The following LARGE1 variants were observed in gnomAD, a reference collection of about 807,000 sequenced individuals.
The protein encoded by LARGE1 is xylosyl- and glucuronyltransferase LARGE1.
A neutral mutation model predicts 87.6 loss-of-function variants in LARGE1; 43 were observed. The observed-to-expected ratio is 0.49, with a 90% confidence interval of 0.38 to 0.63. LARGE1 has a LOEUF of 0.63. Among genes scored for constraint, LARGE1 ranks in the 30% least tolerant of loss-of-function variants. LARGE1 has a pLI of 0.00. For synonymous variants in LARGE1, 434 were observed against 394.6 expected, an observed-to-expected ratio of 1.10 and a Z score of -1.18; for missense variants, 802 against 1,000.2, an observed-to-expected ratio of 0.80 and a Z score of 2.67.
intron 1 of LARGE1, among the ~76,000 whole-genome samples, chr22:33,887,187 C>T (rs1448910300): frequency 6.6e-6 from 1 of 152,134 alleles, no homozygotes; most frequent in African/African-American, 2.4e-5. Flanking sequence ...TTGTCAAAAT[C>T]CTAACCCGCA....
At chr22:33,837,854 T>C (rs2063154210) in intron 1 of LARGE1, among the ~76,000 whole-genome samples, 2 of 152,220 alleles carry the variant, frequency 1.3e-5, no homozygotes, top group African/African-American at 4.8e-5. Flanking sequence ...ACAAACATTA[T>C]CATTTTCCAC....
chr22:33,788,238 A>G (rs1248405722), intron 1 of LARGE1, among the ~76,000 whole-genome samples: 1 of 152,216 alleles, frequency 6.6e-6, no homozygotes, highest in Admixed American at 6.5e-5. Flanking sequence ...TTTATAAAAA[A>G]GGGCATTCCC....
chr22:33,656,859 T>C (rs1443906796), intron 2 of LARGE1: 1 of 152,202 alleles, frequency 6.6e-6, no homozygotes, highest in Admixed American at 6.5e-5. Context: ...CCACTTGAGA[T>C]GAATGTTCTG....
intron 1 of LARGE1, among the ~76,000 whole-genome samples, chr22:33,901,709 CCAAT>C (rs1184623601): frequency 7.9e-5 from 12 of 152,168 alleles, no homozygotes; most frequent in African/African-American, 2.9e-4. Flanking sequence ...TGACAATCTT[CCAAT>C]CAGTTAACAC....
chr22:33,782,138 CTT>C (rs2145903566), intron 1 of LARGE1, among the ~76,000 whole-genome samples: 1 of 152,304 alleles, frequency 6.6e-6, no homozygotes, highest in Non-Finnish European at 1.5e-5. Context: ...CCGAGTTCTT[CTT>C]TTTGGGTTCT....
intron 5 of LARGE1, among the ~76,000 whole-genome samples, chr22:33,601,164 C>G (rs747718088): frequency 6.6e-6 from 1 of 152,106 alleles, no homozygotes; most frequent in Non-Finnish European, 1.5e-5. Context: ...GGCATGACTG[C>G]GCTTGTTTTT....
At chr22:33,268,126 G>T (rs1339325928), downstream of LARGE1, among the ~76,000 whole-genome samples, 1 of 151,104 alleles carries the variant, frequency 6.6e-6, no homozygotes, top group Non-Finnish European at 1.5e-5. Context: ...GCTATTTTTT[G>T]TATTTTTAGT....
chr22:33,631,430 T>A (rs572857008), intron 3 of LARGE1, among the ~76,000 whole-genome samples: 1 of 152,224 alleles, frequency 6.6e-6, no homozygotes, highest in Non-Finnish European at 1.5e-5. Flanking sequence ...CTATACGCAT[T>A]TTTCTGTTTT....
the LARGE1 span, among the ~76,000 whole-genome samples, chr22:33,129,978 C>G: frequency 6.6e-6 from 1 of 152,116 alleles, no homozygotes; most frequent in African/African-American, 2.4e-5. Flanking sequence ...AAGTTAAAAG[C>G]GTATGTGAGC....
chr22:33,316,551 G>A (rs1028697631), intron 10 of LARGE1, among the ~76,000 whole-genome samples: 7 of 152,098 alleles, frequency 4.6e-5, no homozygotes, highest in Admixed American at 2.0e-4. Flanking sequence ...GACCAACCTG[G>A]GCAACCAGGC....
At chr22:33,596,982 AT>A (rs1411355963) in intron 5 of LARGE1, among the ~76,000 whole-genome samples, 4 of 152,266 alleles carry the variant, frequency 2.6e-5, no homozygotes, top group African/African-American at 9.6e-5. Context: ...ACCTTACTTC[AT>A]TTCTCATGTT....
At chr22:33,849,165 A>G (rs140124907) in intron 1 of LARGE1, among the ~76,000 whole-genome samples, 1 of 152,186 alleles carries the variant, frequency 6.6e-6, no homozygotes, top group Non-Finnish European at 1.5e-5. Context: ...TCTCATCAAT[A>G]GTTAATGCTT....
intron 2 of LARGE1, among the ~76,000 whole-genome samples, chr22:33,664,671 C>A (rs1569354083): frequency 6.6e-6 from 1 of 152,138 alleles, no homozygotes; most frequent in Non-Finnish European, 1.5e-5. Context: ...TCAAGACCAT[C>A]CTGGCCAACA....
chr22:33,745,353 G>A (rs1001539540), intron 2 of LARGE1, among the ~76,000 whole-genome samples: 5 of 151,992 alleles, frequency 3.3e-5, no homozygotes, highest in African/African-American at 1.2e-4. Flanking sequence ...TTGCTTATCC[G>A]CCCCTTCATG....
rs527401199 is a variant in LARGE1, at chr22:33,846,830, C to T, written c.-83+73165G>A. Among the ~76,000 whole-genome samples, 18 of 152,174 alleles carry T rather than the reference C, an allele frequency of 1.2e-4. 1 individual carries two copies. Among genetic ancestry groups the T allele is most frequent in the Admixed American group, 2.6e-4 (4 of 15,284 alleles). ...CCTGCCTAATAAATTTTGGTCAGAC[C>T]GGTTGCTCTCAAAACCCTGTCTCCT... On this transcript the variant is annotated intron_variant, in intron 1 of 14. Transcript: ENST00000397394.
intron 3 of LARGE1, among the ~76,000 whole-genome samples, chr22:33,643,803 G>C (rs148679166): frequency 0.016 from 2,486 of 152,100 alleles, 48 homozygotes; most frequent in African/African-American, 0.048. Flanking sequence ...AATAAACTAG[G>C]AAATCTAGAA....
At chr22:33,373,659 A>T (rs1358763609) in intron 9 of LARGE1, among the ~76,000 whole-genome samples, 2 of 151,888 alleles carry the variant, frequency 1.3e-5, no homozygotes, top group African/African-American at 4.8e-5. Context: ...CCCAGTTCTA[A>T]CTCTGCTATT....
intron 2 of LARGE1, among the ~76,000 whole-genome samples, chr22:33,710,777 A>C (rs1408872977): frequency 1.3e-5 from 2 of 152,212 alleles, no homozygotes; most frequent in Non-Finnish European, 2.9e-5. Context: ...GTCGTCCTAC[A>C]CATTAGAGAA....
At chr22:33,656,362 A>G (rs911488293) in intron 2 of LARGE1, among the ~76,000 whole-genome samples, 1 of 152,192 alleles carries the variant, frequency 6.6e-6, no homozygotes, top group African/African-American at 2.4e-5. Flanking sequence ...TGTGAGACTT[A>G]TTCACTACCA....
Sources: allele counts gnomAD v4.1 joint callset (sites outside exome capture counted in the v4.1 genomes callset), GRCh38; gene constraint gnomAD v4.1.1; transcripts MANE v1.5; gene names NCBI Gene and HGNC (gene_info 2026-07-23, HGNC 2026-07-21).